The following GPR158 variants were observed in gnomAD, a reference collection of about 807,000 sequenced individuals.
GPR158 encodes the protein G protein-coupled receptor 158.
In GPR158, 30 loss-of-function variants were observed where a neutral mutation model predicts 78.2. That is an observed-to-expected ratio of 0.38 (90% CI 0.29 to 0.52). GPR158 has a LOEUF of 0.52. Among genes scored for constraint, GPR158 ranks in the 20% least tolerant of loss-of-function variants. The pLI is 0.83. For synonymous variants in GPR158, 581 were observed against 591.1 expected (o/e 0.98, Z 0.25); for missense variants, 1,463 against 1,523.5 (o/e 0.96, Z 0.66).
At chr10:25,316,649 T>G (rs1187837705) in intron 2 of GPR158, among the ~76,000 whole-genome samples, 1 of 152,222 alleles carries the variant, frequency 6.6e-6, no homozygotes, top group Non-Finnish European at 1.5e-5. Context: ...TGTCATGAGA[T>G]ATAGTGCTAT....
chr10:25,334,258 AC>A (rs1238984882), intron 2 of GPR158, among the ~76,000 whole-genome samples: 2 of 152,136 alleles, frequency 1.3e-5, no homozygotes, highest in African/African-American at 4.8e-5. Context: ...TAGGCATTAA[AC>A]TATTCACTTT....
intron 2 of GPR158, among the ~76,000 whole-genome samples, chr10:25,246,344 G>A (rs558637585): frequency 4.6e-5 from 7 of 152,114 alleles, no homozygotes; most frequent in Non-Finnish European, 1.0e-4. Context: ...CATTTTCTGT[G>A]TGTATCTGCA....
intron 4 of GPR158, among the ~76,000 whole-genome samples, chr10:25,439,946 G>T (rs145575002): frequency 6.6e-6 from 1 of 152,100 alleles, no homozygotes; most frequent in Non-Finnish European, 1.5e-5. Flanking sequence ...TTCTCTTTCC[G>T]TTGAATATTT....
chr10:25,371,357 A>C (rs1833989582), intron 2 of GPR158, among the ~76,000 whole-genome samples: 1 of 151,806 alleles, frequency 6.6e-6, no homozygotes, highest in African/African-American at 2.4e-5. Flanking sequence ...CTTTTAGGGC[A>C]GGCCTGGTGG....
At chr10:25,413,009 G>A (rs1179486887) in intron 4 of GPR158, among the ~76,000 whole-genome samples, 1 of 152,132 alleles carries the variant, frequency 6.6e-6, no homozygotes, top group Non-Finnish European at 1.5e-5. Flanking sequence ...ATGTCCTTTG[G>A]TTCTAGTCTA....
chr10:25,369,080 G>A (rs992812754), intron 2 of GPR158, among the ~76,000 whole-genome samples: 6 of 151,304 alleles, frequency 4.0e-5, no homozygotes, highest in African/African-American at 1.2e-4. Flanking sequence ...GAGACAATGG[G>A]GTTTTCTAGA....
rs146722756 is a variant in GPR158, at chr10:25,176,748, G to A, written c.902+426G>A. Among the ~76,000 whole-genome samples, 153 of 152,368 alleles carry A rather than the reference G, an allele frequency of 1.0e-3. No individual in the cohort carries two copies. The Middle Eastern group carries it at 0.01, about 10-fold the overall frequency. ...TCAGATGAGAGGCGAAAAGGGAGCA[G>A]GAGGAACAGAGAGTTCCTTGTTTCT... On this transcript the variant is annotated intron_variant, in intron 1 of 10. Coordinates refer to ENST00000376351, the MANE Select transcript of GPR158 (RefSeq NM_020752.3). This position sits in a 1 kb window ranked among gnomAD's most constrained non-coding sequence, Gnocchi z 6.3.
At chr10:25,536,200 TGAA>T (rs948347672) in intron 5 of GPR158, among the ~76,000 whole-genome samples, 3 of 152,148 alleles carry the variant, frequency 2.0e-5, no homozygotes, top group African/African-American at 7.2e-5. Context: ...CAATTTTTAT[TGAA>T]GAATATTTAA....
At chr10:25,395,369 A>AT (rs1401018848) in intron 2 of GPR158, among the ~76,000 whole-genome samples, 1 of 152,024 alleles carries the variant, frequency 6.6e-6, no homozygotes, top group African/African-American at 2.4e-5. Flanking sequence ...CTAAATTTGC[A>AT]TTTTTAAATT....
chr10:25,455,482 C>A (rs1835278512), intron 4 of GPR158, among the ~76,000 whole-genome samples: 1 of 151,924 alleles, frequency 6.6e-6, no homozygotes, highest in South Asian at 2.1e-4. Context: ...TTAATTATTT[C>A]TCTTCTGTCT....
At chr10:25,360,434 G>A (rs577994100) in intron 2 of GPR158, among the ~76,000 whole-genome samples, 3 of 152,104 alleles carry the variant, frequency 2.0e-5, no homozygotes, top group African/African-American at 4.8e-5. Context: ...TGTATAAGGT[G>A]TAAGGAAGGT....
intron 4 of GPR158, among the ~76,000 whole-genome samples, chr10:25,443,808 A>C (rs1366290409): frequency 2.0e-5 from 3 of 151,778 alleles, no homozygotes; most frequent in South Asian, 2.1e-4. Flanking sequence ...TCCCTCTGCC[A>C]TCACCCCATG....
At chr10:25,418,594 T>C (rs556473315) in intron 4 of GPR158, among the ~76,000 whole-genome samples, 1 of 150,912 alleles carries the variant, frequency 6.6e-6, no homozygotes, top group Non-Finnish European at 1.5e-5. Context: ...TTCTACATTT[T>C]TTACTAAATA....
At chr10:25,502,914 T>G (rs1329252) in intron 5 of GPR158, among the ~76,000 whole-genome samples, 95,833 of 152,006 alleles carry the variant, frequency 0.63, 32,326 homozygotes, top group African/African-American at 0.89. Flanking sequence ...AGCAATTCCA[T>G]AGAAAGTTCC....
At chr10:25,283,191 A>G (rs1273234829) in intron 2 of GPR158, among the ~76,000 whole-genome samples, 1 of 152,052 alleles carries the variant, frequency 6.6e-6, no homozygotes, top group Non-Finnish European at 1.5e-5. Flanking sequence ...CTCACCAGGT[A>G]TAGCACTCTT....
chr10:25,577,005 T>TA (rs1837108962), intron 7 of GPR158, among the ~76,000 whole-genome samples: 1 of 151,464 alleles, frequency 6.6e-6, no homozygotes, highest in African/African-American at 2.4e-5. Flanking sequence ...CACATAATTT[T>TA]AAAAAATAAT....
intron 1 of GPR158, among the ~76,000 whole-genome samples, chr10:25,201,177 T>C (rs1852923342): frequency 6.6e-6 from 1 of 152,158 alleles, no homozygotes; most frequent in South Asian, 2.1e-4. Context: ...CTCTGATTTA[T>C]TTGAGCCATG....
chr10:25,511,349 A>C (rs746815012), intron 5 of GPR158, among the ~76,000 whole-genome samples: 2 of 152,098 alleles, frequency 1.3e-5, no homozygotes, highest in Non-Finnish European at 2.9e-5. Context: ...TCTTCTTCTG[A>C]GAATTGTCTA....
chr10:25,594,310 A>T lies in GPR158; in HGVS notation c.1911A>T (p.Arg637Ser). The change falls in exon 9 of 11, where the codon AGA (arginine) becomes AGT (serine). Residue 637 changes from arginine (R) to serine (S), a missense_variant. Transcript: ENST00000376351. Reference protein sequence around the residue: ...FHTIRFVLASRLQSDWMLMLY... With the variant: ...FHTIRFVLASSLQSDWMLMLY... The stretch of plus-strand genomic sequence containing the variant: ...ATTTCAGATTTGTTCTTGCCTCAAG[A>T]CTTCAGTCTGATTGGATGTTGATGC... 1 of 1,561,492 alleles carries T rather than the reference A, an allele frequency of 6.4e-7. No homozygotes were observed. The highest frequency in any genetic ancestry group is 8.8e-7 in the Non-Finnish European group (1 of 1,132,980).
Sources: allele counts gnomAD v4.1 joint callset (sites outside exome capture counted in the v4.1 genomes callset), GRCh38; gene constraint gnomAD v4.1.1; non-coding constraint Gnocchi (gnomAD v3.1); transcripts MANE v1.5; gene names NCBI Gene and HGNC (gene_info 2026-07-23, HGNC 2026-07-21).